MMP20: variants seen among roughly 807,000 people sequenced by gnomAD.
The protein encoded by MMP20 is matrix metalloproteinase-20.
MMP20 carries 50 observed loss-of-function variants against 51.8 expected under a neutral mutation model. That is an observed-to-expected ratio of 0.97 (90% CI 0.77 to 1.22). The LOEUF (loss-of-function observed/expected upper bound fraction) is 1.22. MMP20 is among the 50% of genes most tolerant of loss of function. The pLI is 0.00. For synonymous variants in MMP20, 244 were observed against 216.2 expected, an observed-to-expected ratio of 1.13 and a Z score of -1.13; for missense variants, 663 against 601.4, an observed-to-expected ratio of 1.10 and a Z score of -1.07.
In MMP20 at chr11:102,577,368, A is replaced by G. The variant is rs756533015; in HGVS notation, c.1410T>C (p.Asp470=). 29 of 1,614,046 alleles carry G rather than the reference A, an allele frequency of 1.8e-5. No homozygotes were observed. The highest frequency in any genetic ancestry group is 2.5e-5 in the Non-Finnish European group (29 of 1,179,940). ...AACTAGATTTCACCACACTAACCAC[A>G]TCTTCCTTCTCTGTGTCATACTTGT... ...KTYKYDTEKE[D]VVSVVKSSSW... The change falls in exon 10 of 10, where the codon GAT becomes GAC. Residue 470 remains aspartate, a synonymous_variant. Coordinates refer to ENST00000260228, the MANE Select transcript of MMP20 (RefSeq NM_004771.4).
intron 1 of MMP20, among the ~76,000 whole-genome samples, chr11:102,619,395 T>C (rs1859718275): frequency 6.6e-6 from 1 of 152,132 alleles, no homozygotes; most frequent in Admixed American, 6.5e-5. Context: ...ATAAATTAAG[T>C]GGAAAACATG....
At chr11:102,614,084 G>A (rs1195351735) in intron 2 of MMP20, among the ~76,000 whole-genome samples, 1 of 152,200 alleles carries the variant, frequency 6.6e-6, no homozygotes, top group African/African-American at 2.4e-5. Context: ...ATGTGCTGTT[G>A]CTGTATGCAC....
intron 1 of MMP20, among the ~76,000 whole-genome samples, chr11:102,619,823 T>A (rs951517157): frequency 2.0e-5 from 3 of 152,196 alleles, no homozygotes; most frequent in Admixed American, 2.0e-4. Context: ...TAACCAGCTG[T>A]TTGTTTCTTT....
chr11:102,592,247 T>C (rs1472287146), intron 8 of MMP20, among the ~76,000 whole-genome samples: 2 of 152,202 alleles, frequency 1.3e-5, no homozygotes, highest in Non-Finnish European at 2.9e-5. Flanking sequence ...CATCATGTTT[T>C]AAAAAGGAAG....
At chr11:102,585,708 C>T (rs2135929842) in intron 8 of MMP20, among the ~76,000 whole-genome samples, 1 of 152,214 alleles carries the variant, frequency 6.6e-6, no homozygotes, top group East Asian at 1.9e-4. Context: ...TCCAGTCTTT[C>T]ACCACTGACT....
At chr11:102,597,191 G>C (rs1394176384) in intron 6 of MMP20, among the ~76,000 whole-genome samples, 1 of 152,152 alleles carries the variant, frequency 6.6e-6, no homozygotes, top group Non-Finnish European at 1.5e-5. Flanking sequence ...CTTTCTCTTT[G>C]ATCACTCTAA....
intron 2 of MMP20, among the ~76,000 whole-genome samples, chr11:102,613,587 T>A (rs902920742): frequency 6.6e-6 from 1 of 152,200 alleles, no homozygotes; most frequent in Non-Finnish European, 1.5e-5. Context: ...TATCTTAGGT[T>A]ATTATAATGC....
intron 1 of MMP20, among the ~76,000 whole-genome samples, chr11:102,621,259 A>C (rs1624909): frequency 6.6e-6 from 1 of 152,114 alleles, no homozygotes; most frequent in East Asian, 1.9e-4. Context: ...AACAAGTGGA[A>C]ATGTACGCCT....
At chr11:102,595,789 A>T (rs907209102) in intron 6 of MMP20, among the ~76,000 whole-genome samples, 2 of 152,218 alleles carry the variant, frequency 1.3e-5, no homozygotes, top group African/African-American at 4.8e-5. Flanking sequence ...GAAACTGACA[A>T]TGTAATGTGC....
chr11:102,597,270 A>G (rs1365557975), intron 6 of MMP20, among the ~76,000 whole-genome samples: 1 of 152,196 alleles, frequency 6.6e-6, no homozygotes, highest in Non-Finnish European at 1.5e-5. Context: ...GCTAAGTCCT[A>G]CTTTTTAGTT....
chr11:102,604,104 C>T (rs879687921), intron 6 of MMP20, among the ~76,000 whole-genome samples: 2 of 151,860 alleles, frequency 1.3e-5, no homozygotes, highest in Admixed American at 6.6e-5. Context: ...CCTCCTTTAC[C>T]CCCACTGCAA....
chr11:102,610,018 G>C lies in MMP20; in HGVS notation c.536C>G (p.Ser179Cys), dbSNP rs1369748428. The C allele has an allele frequency of 6.2e-7, 1 of 1,614,078 alleles. No individual in the cohort carries two copies. Among genetic ancestry groups the C allele is most frequent in the South Asian group, 1.1e-5 (1 of 91,074 alleles). The change falls in exon 4 of 10, where the codon TCC becomes TGC. Residue 179 changes from serine (S) to cysteine (C), a missense_variant. Coordinates refer to ENST00000260228, the MANE Select transcript of MMP20 (RefSeq NM_004771.4). ...CCCCCGAGGCCCATCGAATGGATAG[G>C]AATCCCCGTGATCTAAACAAGTGGG... is the stretch of plus-strand genomic sequence containing the variant. ...ISFENGDHGD[S>C]YPFDGPRGTL... is the part of the protein sequence containing the mutation.
Position 102,616,897 on chromosome 11 carries a change from T to A in MMP20, c.289A>T (p.Lys97Ter), listed in dbSNP as rs367552668. 3 of 1,614,196 alleles carry A rather than the reference T, an allele frequency of 1.9e-6. No individual in the cohort carries two copies. Among genetic ancestry groups the A allele is most frequent in the East Asian group, 4.5e-5 (2 of 44,884 alleles). ...ACATCAGGAACTCCACAGCGAGGCT[T>A]CTTGATCACGTTCATTGTGGTCTGG... ...LDQTTMNVIK[K>*]PRCGVPDVAN... Residue 97 changes from lysine (K) to a stop codon, truncating the protein, a stop_gained, in exon 2 of 10, where the codon AAG becomes TAG. Transcript: ENST00000260228. LOFTEE classifies it high-confidence loss of function.
rs375614892 is a variant in MMP20 at position 102,609,899 on chromosome 11, A to G, written c.649+6T>C. ...TTCCAGGTTATGGTGAATTGTGCAT[A>G]TATACCATTCGTTCCCATAGTCCAC... On this transcript the variant is annotated splice_donor_region_variant and intron_variant, in intron 4 of 9. Transcript: ENST00000260228. 1.5e-5 allele frequency: 24 copies of G among 1,614,020 alleles called. No homozygotes were observed. Among genetic ancestry groups the G allele is most frequent in the African/African-American group, 2.7e-5 (2 of 74,898 alleles).
chr11:102,607,636 C>CG (rs3216097), intron 5 of MMP20: 62,978 of 151,820 alleles, frequency 0.41, 13,392 homozygotes, highest in South Asian at 0.59. Context: ...GGCAAGCGAT[C>CG]GGGTGGGTGA....
chr11:102,615,622 G>A (rs764675465), intron 2 of MMP20, among the ~76,000 whole-genome samples: 2 of 152,112 alleles, frequency 1.3e-5, no homozygotes, highest in African/African-American at 2.4e-5. Flanking sequence ...TTGACATCAC[G>A]CTCTAGTTGC....
At chr11:102,597,195 A>G (rs943335733) in intron 6 of MMP20, among the ~76,000 whole-genome samples, 1 of 152,124 alleles carries the variant, frequency 6.6e-6, no homozygotes, top group East Asian at 1.9e-4. Context: ...CTCTTTGATC[A>G]CTCTAAAGCC....
rs1204517959 is a variant in MMP20, at chr11:102,601,243, C to T, written c.953+5292G>A. 3.2e-5 allele frequency among the ~76,000 whole-genome samples: 2 copies of T among 62,302 alleles called. 1 individual carries two copies. Among genetic ancestry groups the T allele is most frequent in the Non-Finnish European group, 7.4e-5 (2 of 26,960 alleles). 40.9% of individuals were successfully genotyped at this position (62,302 alleles called of 152,430 possible). A position where few individuals can be genotyped will look rare whatever the true frequency, so the allele number is the denominator to read the frequency against. The stretch of plus-strand genomic sequence containing the variant: ...CGCCTCCCGGGTTCACGCCATTCTC[C>T]TGCCTCAGCCTCCCAAGTAGCTGGG... On this transcript the variant is annotated intron_variant, in intron 6 of 9. Coordinates refer to ENST00000260228, the MANE Select transcript of MMP20 (RefSeq NM_004771.4).
At chr11:102,609,814 G>T (rs1859572042) in intron 4 of MMP20, 91 bp downstream of exon 4, 1 of 1,577,794 alleles carries the variant, frequency 6.3e-7, no homozygotes, top group South Asian at 1.1e-5. Flanking sequence ...TAGTTAAAGG[G>T]TGGCTTGGGA....
Sources: allele counts gnomAD v4.1 joint callset (sites outside exome capture counted in the v4.1 genomes callset), GRCh38; gene constraint gnomAD v4.1.1; transcripts MANE v1.5; gene names NCBI Gene and HGNC (gene_info 2026-07-23, HGNC 2026-07-21).